The following TATDN1 variants were observed in gnomAD, a reference collection of about 807,000 sequenced individuals.
TATDN1 encodes the protein TatD DNase domain containing 1, also known as deoxyribonuclease TATDN1.
TATDN1 carries 40 observed loss-of-function variants against 46.4 expected under a neutral mutation model. The ratio of observed to expected loss-of-function variants is 0.86; its 90% CI spans 0.67 to 1.12. The LOEUF (loss-of-function observed/expected upper bound fraction) is 1.12. TATDN1 is among the 50% of genes most tolerant of loss of function. The pLI is 0.00. For missense variants in TATDN1, 326 were observed against 348.4 expected (o/e 0.94, Z 0.51); for synonymous variants, 95 against 105.6 (o/e 0.90, Z 0.62).
intron 8 of TATDN1, among the ~76,000 whole-genome samples, chr8:124,508,211 T>C (rs181347165): frequency 2.0e-5 from 3 of 152,322 alleles, no homozygotes; most frequent in Admixed American, 1.3e-4. Flanking sequence ...AAAGAAATCT[T>C]TGGGAAGGGA....
chr8:124,537,497 C>T (rs1431869337), intron 1 of TATDN1, among the ~76,000 whole-genome samples: 1 of 152,146 alleles, frequency 6.6e-6, no homozygotes, highest in Non-Finnish European at 1.5e-5. Flanking sequence ...AGCATTTAGG[C>T]TATCCTGAGG....
At chr8:124,501,122 G>C (rs1817925641) in intron 9 of TATDN1, among the ~76,000 whole-genome samples, 1 of 152,206 alleles carries the variant, frequency 6.6e-6, no homozygotes, top group Non-Finnish European at 1.5e-5. Flanking sequence ...AAGCACAGAG[G>C]AGTACAGGCG....
At chr8:124,521,889 C>A in intron 3 of TATDN1, 2 of 307,476 alleles carry the variant, frequency 6.5e-6, no homozygotes, top group South Asian at 8.6e-5. Flanking sequence ...CCTGGTAATT[C>A]ACATAGGTTT....
intron 8 of TATDN1, among the ~76,000 whole-genome samples, chr8:124,506,352 A>AAG (rs1818427483): frequency 6.7e-6 from 1 of 148,694 alleles, no homozygotes; most frequent in African/African-American, 2.6e-5. Flanking sequence ...AAAAAAAAAA[A>AAG]AAAAGAAAAA....
intron 9 of TATDN1, 82 bp from the exon 10 acceptor site, chr8:124,495,624 ACAAAACCAACC>A (rs1817400141): frequency 9.2e-7 from 1 of 1,084,724 alleles, no homozygotes; most frequent in Non-Finnish European, 1.3e-6. Context: ...CTAAAATGCT[ACAAAACCAACC>A]CAAAACCCTA....
At position 124,518,823 on chromosome 8, in the gene TATDN1, G is replaced by T; in HGVS notation, c.197C>A (p.Thr66Lys). Residue 66 changes from threonine to lysine, a missense_variant, in exon 4 of 12, where the codon ACA becomes AAA. Transcript: ENST00000276692. The part of the protein sequence containing the change: ...DSKDALHLAQ[T>K]NGMFFSTVGC... Reference sequence around the variant, plus strand: ...TAAAAGAAATATGAGGATACCATTTGTTTGTGCCAAATGCAGTGCATCTTT... The same window carrying T: ...TAAAAGAAATATGAGGATACCATTTTTTTGTGCCAAATGCAGTGCATCTTT... The T allele has an allele frequency of 6.2e-7, 1 of 1,606,662 alleles. No individual in the cohort carries two copies. The highest frequency in any genetic ancestry group is 8.5e-7 in the Non-Finnish European group (1 of 1,174,464).
chr8:124,533,950 T>C (rs961938018), intron 1 of TATDN1, among the ~76,000 whole-genome samples: 4 of 151,720 alleles, frequency 2.6e-5, no homozygotes, highest in Admixed American at 6.6e-5. Context: ...ATCGAGACCA[T>C]CCTGGCTAAC....
chr8:124,514,118 C>T (rs554414378), intron 6 of TATDN1, among the ~76,000 whole-genome samples: 39 of 152,152 alleles, frequency 2.6e-4, no homozygotes, highest in African/African-American at 8.7e-4. Context: ...TTACGTTAAC[C>T]CATCCTATTC....
At position 124,534,372 on chromosome 8, in the gene TATDN1, C is replaced by T. The variant is rs116312380; in HGVS notation, c.22+4653G>A. Among the ~76,000 whole-genome samples the T allele has an allele frequency of 4.5e-3, 683 of 152,246 alleles. 4 individuals carry two copies. Among genetic ancestry groups the T allele is most frequent in the African/African-American group, 0.016 (663 of 41,532 alleles). On this transcript the variant is annotated intron_variant, in intron 1 of 11. Transcript: ENST00000276692. ...AAGTTTTACTGGAACATAGCCACAC[C>T]TATTTACATACTGTCTATCACCTGC...
At chr8:124,501,161 G>A (rs923820036) in intron 9 of TATDN1, among the ~76,000 whole-genome samples, 1 of 152,160 alleles carries the variant, frequency 6.6e-6, no homozygotes, top group Non-Finnish European at 1.5e-5. Context: ...ATGGAGACTG[G>A]GGCAGCCCAC....
intron 8 of TATDN1, among the ~76,000 whole-genome samples, chr8:124,507,784 C>CAAAAAAAAAA (rs201337834): frequency 1.1e-5 from 1 of 93,588 alleles, no homozygotes. Context: ...TCTTAATAAC[C>CAAAAAAAAAA]AAAAAAAAAA....
At position 124,516,027 on chromosome 8, in the gene TATDN1, A is replaced by C. The variant is rs1586632423; in HGVS notation, c.206T>G (p.Met69Arg). 1 of 1,600,780 alleles carries C rather than the reference A, an allele frequency of 6.2e-7. No homozygotes were observed. ...ATGACATCCAACTGTACTGAAAAAC[A>C]TACCTAACAGAAAATAATGTCTTAG... ...DALHLAQTNG[M>R]FFSTVGCHPT... is the part of the protein sequence containing the mutation. The change falls in exon 5 of 12, where the codon ATG becomes AGG. Residue 69 changes from methionine to arginine, a missense_variant. Coordinates refer to ENST00000276692, the MANE Select transcript of TATDN1 (RefSeq NM_032026.4).
chr8:124,489,736 A>C (rs1471197037), intron 11 of TATDN1: 5 of 152,210 alleles, frequency 3.3e-5, no homozygotes, highest in Admixed American at 2.6e-4. Context: ...TTCTGTGCTT[A>C]CAGTAATGAT....
chr8:124,523,968 G>GA (rs961453249), intron 1 of TATDN1, among the ~76,000 whole-genome samples: 7 of 151,110 alleles, frequency 4.6e-5, no homozygotes, highest in African/African-American at 9.7e-5. Flanking sequence ...TCACAGGCAA[G>GA]AAAAAAAAAT....
chr8:124,498,159 G>A (rs1298973892), intron 9 of TATDN1, among the ~76,000 whole-genome samples: 1 of 152,010 alleles, frequency 6.6e-6, no homozygotes, highest in Non-Finnish European at 1.5e-5. Context: ...TTTATATTTT[G>A]GGAGGTTGCT....
chr8:124,518,206 T>C (rs1343865992), intron 4 of TATDN1, among the ~76,000 whole-genome samples: 48 of 50,010 alleles, frequency 9.6e-4, no homozygotes, highest in Admixed American at 1.9e-3. Context: ...AGTGAGACTC[T>C]ATCTCAAAAA....
intron 6 of TATDN1, among the ~76,000 whole-genome samples, chr8:124,513,525 CTA>C (rs1380956377): frequency 6.6e-6 from 1 of 152,200 alleles, no homozygotes; most frequent in Non-Finnish European, 1.5e-5. Flanking sequence ...TTGAACCTCT[CTA>C]TTAGCAATTA....
intron 1 of TATDN1, among the ~76,000 whole-genome samples, chr8:124,527,553 G>C (rs547727448): frequency 5.3e-5 from 8 of 152,192 alleles, no homozygotes; most frequent in Middle Eastern, 3.4e-3. Context: ...AGTGAGGAAG[G>C]GGGTGTACTG....
intron 1 of TATDN1, chr8:124,538,221 A>C (rs1821652933): frequency 6.6e-6 from 1 of 152,254 alleles, no homozygotes; most frequent in African/African-American, 2.4e-5. Context: ...AATGCTGCAC[A>C]CATCTCTTCC....
Sources: gnomAD v4.1 joint callset for allele counts (sites outside exome capture counted in the v4.1 genomes callset) on GRCh38, gnomAD v4.1.1 for gene constraint, MANE v1.5 for transcripts, NCBI Gene and HGNC (gene_info 2026-07-23, HGNC 2026-07-21) for gene names.